PCDH15: variants seen among roughly 807,000 people sequenced by gnomAD.
The protein encoded by PCDH15 is protocadherin related 15, also known as protocadherin-15.
In PCDH15, 129 loss-of-function variants were observed where a neutral mutation model predicts 178.5. That is an observed-to-expected ratio of 0.72 (90% CI 0.63 to 0.84). PCDH15 has a LOEUF of 0.84. Among genes scored for constraint, PCDH15 ranks in the 40% least tolerant of loss-of-function variants. PCDH15 has a pLI of 0.00. For synonymous variants in PCDH15, 800 were observed against 732.0 expected (o/e 1.09, Z -1.50); for missense variants, 2,230 against 2,099.9 (o/e 1.06, Z -1.21).
At chr10:54,397,685 CA>C (rs1951418858) in intron 3 of PCDH15, among the ~76,000 whole-genome samples, 1 of 151,882 alleles carries the variant, frequency 6.6e-6, no homozygotes, top group Non-Finnish European at 1.5e-5. Context: ...CACTAAATGG[CA>C]AAGGTATAAA....
intron 10 of PCDH15, among the ~76,000 whole-genome samples, chr10:54,208,789 A>G (rs369865758): frequency 2.0e-4 from 30 of 152,110 alleles, no homozygotes; most frequent in African/African-American, 7.0e-4. Context: ...GAATAAGAGT[A>G]GGAATATATT....
intron 2 of PCDH15, among the ~76,000 whole-genome samples, chr10:55,024,934 TG>T (rs112112876): frequency 1.3e-5 from 2 of 151,966 alleles, no homozygotes; most frequent in Non-Finnish European, 2.9e-5. Context: ...GGCAAAACCA[TG>T]GTTTTTTTTA....
chr10:54,820,060 T>C (rs576289056), intron 3 of PCDH15, among the ~76,000 whole-genome samples: 2 of 152,152 alleles, frequency 1.3e-5, no homozygotes, highest in African/African-American at 4.8e-5. Flanking sequence ...TCAAAGTGTA[T>C]TATTATGTGA....
intron 1 of PCDH15, among the ~76,000 whole-genome samples, chr10:54,684,778 TC>T (rs774847135): frequency 2.6e-4 from 39 of 149,262 alleles, no homozygotes; most frequent in Non-Finnish European, 2.5e-4. Context: ...CCAGCGTTAC[TC>T]CAGGTCAAAT....
At chr10:55,227,683 T>C (rs1841091666) in intron 1 of PCDH15, among the ~76,000 whole-genome samples, 2 of 152,160 alleles carry the variant, frequency 1.3e-5, no homozygotes, top group Admixed American at 1.3e-4. Context: ...ATTGGCAGGA[T>C]AAAAGGAACT....
intron 3 of PCDH15, among the ~76,000 whole-genome samples, chr10:54,409,009 TG>T (rs1283024414): frequency 6.6e-6 from 1 of 152,182 alleles, no homozygotes; most frequent in Non-Finnish European, 1.5e-5. Context: ...AATTGAATCA[TG>T]GGGGCAGTTT....
At chr10:55,004,208 G>C (rs1839868557) in intron 2 of PCDH15, among the ~76,000 whole-genome samples, 1 of 152,094 alleles carries the variant, frequency 6.6e-6, no homozygotes, top group Admixed American at 6.6e-5. Context: ...ATTAACCGTT[G>C]ATTCCTGGGT....
chr10:55,623,376 C>T (rs915316783), intron 2 of PCDH15, among the ~76,000 whole-genome samples: 6 of 151,996 alleles, frequency 3.9e-5, no homozygotes, highest in African/African-American at 9.7e-5. Flanking sequence ...TCAGGGGAGA[C>T]GTGTGTTAAG....
intron 1 of PCDH15, among the ~76,000 whole-genome samples, chr10:55,211,234 T>C (rs571588566): frequency 2.0e-4 from 30 of 152,144 alleles, no homozygotes; most frequent in African/African-American, 6.8e-4. Flanking sequence ...ACATGGATGA[T>C]AGGTTAATAT....
chr10:54,487,352 T>C (rs1194835221), intron 3 of PCDH15, among the ~76,000 whole-genome samples: 1 of 151,974 alleles, frequency 6.6e-6, no homozygotes, highest in Non-Finnish European at 1.5e-5. Context: ...GGGTGAAGAA[T>C]GGGATTGGGG....
rs12571267 is a variant in PCDH15 at position 54,084,551 on chromosome 10, G to A, written c.1998-5127C>T. ...TGGGAGGCTGAGGTGGGAGGATCAC[G>A]TAAGCCTAGACTTTTGAGACTAGCC... On this transcript the variant is annotated intron_variant, in intron 16 of 37. Transcript: ENST00000644397. 5.0e-4 allele frequency among the ~76,000 whole-genome samples: 76 copies of A among 152,118 alleles called. No individual in the cohort carries two copies. In the South Asian group the frequency reaches 0.015, roughly 29 times the overall value.
At chr10:55,067,273 ACT>A (rs2132007006) in intron 2 of PCDH15, among the ~76,000 whole-genome samples, 1 of 151,644 alleles carries the variant, frequency 6.6e-6, no homozygotes, top group African/African-American at 2.4e-5. Context: ...CTAACATTCT[ACT>A]CTGTGTGTCC....
intron 2 of PCDH15, among the ~76,000 whole-genome samples, chr10:55,327,888 C>T (rs979278392): frequency 6.6e-6 from 1 of 151,938 alleles, no homozygotes; most frequent in Non-Finnish European, 1.5e-5. Flanking sequence ...AGATAGTAAT[C>T]ACCCAAAGAC....
At chr10:53,957,234 T>C (rs2087700851) in intron 23 of PCDH15, among the ~76,000 whole-genome samples, 1 of 152,174 alleles carries the variant, frequency 6.6e-6, no homozygotes, top group Admixed American at 6.5e-5. Flanking sequence ...CAGATGGGAA[T>C]TTTAAGTTAA....
intron 2 of PCDH15, among the ~76,000 whole-genome samples, chr10:54,539,085 A>G (rs897094435): frequency 5.9e-5 from 9 of 152,236 alleles, no homozygotes; most frequent in East Asian, 1.9e-4. Flanking sequence ...TGTTTATGTT[A>G]TCTATGATTT....
intron 1 of PCDH15, among the ~76,000 whole-genome samples, chr10:55,228,296 CAA>C (rs900270668): frequency 9.9e-5 from 15 of 151,724 alleles, no homozygotes; most frequent in Admixed American, 3.3e-4. Context: ...GTCCATACGT[CAA>C]GTGTTATTTT....
chr10:54,685,646 T>C (rs1335827332), intron 1 of PCDH15, among the ~76,000 whole-genome samples: 1 of 152,202 alleles, frequency 6.6e-6, no homozygotes, highest in African/African-American at 2.4e-5. Flanking sequence ...GGATACATCC[T>C]GTTAAAATCA....
intron 2 of PCDH15, among the ~76,000 whole-genome samples, chr10:55,564,025 G>C (rs1464372293): frequency 6.6e-6 from 1 of 151,812 alleles, no homozygotes; most frequent in Non-Finnish European, 1.5e-5. Context: ...ATAAAAGCTA[G>C]TATTATTGTA....
chr10:54,013,648 C>T (rs7909729), intron 20 of PCDH15, among the ~76,000 whole-genome samples: 3,235 of 152,194 alleles, frequency 0.021, 117 homozygotes, highest in African/African-American at 0.072. Context: ...CCACTTGTTC[C>T]TCAATTATCT....
Sources: allele counts gnomAD v4.1 joint callset (sites outside exome capture counted in the v4.1 genomes callset), GRCh38; gene constraint gnomAD v4.1.1; transcripts MANE v1.5; gene names NCBI Gene and HGNC (gene_info 2026-07-23, HGNC 2026-07-21).